Variants in SGCZ observed in about 807,000 individuals in gnomAD.
SGCZ encodes zeta-sarcoglycan.
Under a neutral mutation model 41.3 loss-of-function variants are expected in SGCZ, and 40 were observed. That is an observed-to-expected ratio of 0.97 (90% confidence interval 0.75 to 1.26). The LOEUF (loss-of-function observed/expected upper bound fraction) is 1.26. SGCZ is among the 50% of genes most tolerant of loss of function. The pLI, the probability that SGCZ is intolerant of heterozygous loss-of-function variation, is 0.00. For synonymous variants in SGCZ, 206 were observed against 137.5 expected, an observed-to-expected ratio of 1.50 and a Z score of -3.49; for missense variants, 552 against 369.8, an observed-to-expected ratio of 1.49 and a Z score of -4.04.
chr8:14,509,942 A>G (rs1359849532), intron 2 of SGCZ, among the ~76,000 whole-genome samples: 4 of 151,926 alleles, frequency 2.6e-5, no homozygotes, highest in Non-Finnish European at 5.9e-5. Flanking sequence ...CCATGATCCA[A>G]TCACCTCCCT....
intron 2 of SGCZ, among the ~76,000 whole-genome samples, chr8:14,410,757 C>G (rs141385155): frequency 3.3e-5 from 5 of 152,102 alleles, no homozygotes; most frequent in East Asian, 1.9e-4. Flanking sequence ...GCACATGTAT[C>G]CTAGAACTTA....
chr8:14,737,111 TA>T (rs1799061450), intron 1 of SGCZ, among the ~76,000 whole-genome samples: 1 of 141,734 alleles, frequency 7.1e-6, no homozygotes, highest in African/African-American at 2.7e-5. Context: ...ACCAGATACA[TA>T]AGATTTATAT....
At chr8:14,768,390 C>G (rs1800113166) in intron 1 of SGCZ, among the ~76,000 whole-genome samples, 2 of 152,288 alleles carry the variant, frequency 1.3e-5, no homozygotes, top group South Asian at 2.1e-4. Flanking sequence ...TGAACTGAAA[C>G]AGTTTTTCAT....
intron 1 of SGCZ, among the ~76,000 whole-genome samples, chr8:15,033,571 A>C (rs911581767): frequency 1.3e-5 from 2 of 152,008 alleles, no homozygotes; most frequent in African/African-American, 4.8e-5. Flanking sequence ...CCTGTACACC[A>C]AGACTCCAGG....
At chr8:14,942,056 G>C (rs764189631) in intron 1 of SGCZ, among the ~76,000 whole-genome samples, 2 of 151,954 alleles carry the variant, frequency 1.3e-5, no homozygotes, top group Non-Finnish European at 2.9e-5. Flanking sequence ...TGGGTCAATA[G>C]CATCATTAGG....
chr8:14,706,191 C>G (rs1197118994), intron 1 of SGCZ, among the ~76,000 whole-genome samples: 1 of 151,700 alleles, frequency 6.6e-6, no homozygotes, highest in Admixed American at 6.6e-5. Flanking sequence ...ATCATTTATC[C>G]TAAATGAGTT....
chr8:14,380,365 G>C (rs1213672676), intron 2 of SGCZ, among the ~76,000 whole-genome samples: 1 of 151,962 alleles, frequency 6.6e-6, no homozygotes, highest in Non-Finnish European at 1.5e-5. Flanking sequence ...TTCTAGTGTT[G>C]AATGTCATAG....
At chr8:14,097,881 G>C (rs751302353) in intron 7 of SGCZ, among the ~76,000 whole-genome samples, 1 of 152,114 alleles carries the variant, frequency 6.6e-6, no homozygotes, top group Non-Finnish European at 1.5e-5. Context: ...TTAGTTTAAA[G>C]TCTGTTTTAT....
At chr8:14,269,061 A>G (rs1215619128) in intron 3 of SGCZ, among the ~76,000 whole-genome samples, 1 of 152,064 alleles carries the variant, frequency 6.6e-6, no homozygotes, top group East Asian at 1.9e-4. Context: ...ATTCTATATC[A>G]TTAAACACAA....
In SGCZ at chr8:15,131,999, C is replaced by T. The variant is rs9643924; in HGVS notation, c.39+105586G>A. Among the ~76,000 whole-genome samples the T allele has an allele frequency of 1.5e-3, 231 of 152,304 alleles. 3 individuals are homozygous for T. The East Asian group carries it at 0.039, about 26-fold the overall frequency. ...GTAACAGAGCTAAGCAATTTAACACCTTCCAGCCATTTTCTAGAACAAATG... is the reference window on the plus strand; with the variant it reads ...GTAACAGAGCTAAGCAATTTAACACTTTCCAGCCATTTTCTAGAACAAATG... On this transcript the variant is annotated intron_variant, in intron 1 of 7. Coordinates refer to ENST00000382080, the MANE Select transcript of SGCZ (RefSeq NM_139167.4).
At chr8:14,915,289 A>T (rs988237249) in intron 1 of SGCZ, among the ~76,000 whole-genome samples, 3 of 152,218 alleles carry the variant, frequency 2.0e-5, no homozygotes, top group African/African-American at 7.2e-5. Flanking sequence ...AACTTGGAAG[A>T]TTAAGCACTC....
chr8:14,471,511 T>C (rs562393463), intron 2 of SGCZ, among the ~76,000 whole-genome samples: 1 of 152,208 alleles, frequency 6.6e-6, no homozygotes, highest in Admixed American at 6.5e-5. Flanking sequence ...ACATAGTCTC[T>C]GGGTTGAGTT....
intron 1 of SGCZ, among the ~76,000 whole-genome samples, chr8:14,884,409 G>C (rs1300564382): frequency 6.6e-6 from 1 of 151,482 alleles, no homozygotes; most frequent in Non-Finnish European, 1.5e-5. Flanking sequence ...TAAGATAAAT[G>C]AACTATTTAT....
chr8:14,254,192 A>G (rs1205990782), intron 3 of SGCZ, among the ~76,000 whole-genome samples: 1 of 152,148 alleles, frequency 6.6e-6, no homozygotes, highest in Non-Finnish European at 1.5e-5. Flanking sequence ...TGAACCCTGG[A>G]TTTTGAGTTT....
intron 2 of SGCZ, among the ~76,000 whole-genome samples, chr8:14,545,111 C>T (rs139626115): frequency 9.2e-5 from 14 of 152,020 alleles, no homozygotes; most frequent in South Asian, 2.1e-4. Context: ...ATTTCTCAGC[C>T]GGCTGACACT....
chr8:14,441,709 T>C (rs1395411633), intron 2 of SGCZ, among the ~76,000 whole-genome samples: 1 of 152,240 alleles, frequency 6.6e-6, no homozygotes, highest in East Asian at 1.9e-4. Flanking sequence ...AATTTGCAGT[T>C]AATACATCAA....
intron 2 of SGCZ, among the ~76,000 whole-genome samples, chr8:14,514,831 A>ACG (rs1802573619): frequency 6.8e-6 from 1 of 147,730 alleles, no homozygotes; most frequent in Admixed American, 6.8e-5. Flanking sequence ...ACACGCACAC[A>ACG]CACACACACA....
At chr8:14,327,679 T>G (rs189643284) in intron 2 of SGCZ, among the ~76,000 whole-genome samples, 163 of 152,364 alleles carry the variant, frequency 1.1e-3, no homozygotes, top group African/African-American at 3.8e-3. Flanking sequence ...GAGCTTCGTG[T>G]GTTTTCTTCT....
chr8:14,475,628 G>T (rs528112974), intron 2 of SGCZ, among the ~76,000 whole-genome samples: 109 of 152,168 alleles, frequency 7.2e-4, no homozygotes, highest in African/African-American at 2.5e-3. Context: ...GCTATAAATT[G>T]TTGGAGATAA....
Sources: allele counts gnomAD v4.1 joint callset (sites outside exome capture counted in the v4.1 genomes callset), GRCh38; gene constraint gnomAD v4.1.1; transcripts MANE v1.5; gene names NCBI Gene and HGNC (gene_info 2026-07-23, HGNC 2026-07-21).